Variants in CNTNAP2 observed in about 807,000 individuals in gnomAD.
The protein encoded by CNTNAP2 is contactin-associated protein-like 2.
In CNTNAP2, 98 loss-of-function variants were observed where a neutral mutation model predicts 155.2. The observed-to-expected ratio is 0.63, with a 90% CI of 0.54 to 0.75. CNTNAP2 has a LOEUF of 0.75. Ranked by LOEUF, CNTNAP2 falls within the 30% of genes least tolerant of loss-of-function variation. The pLI, the probability that CNTNAP2 is intolerant of heterozygous loss-of-function variation, is 0.00. For missense variants in CNTNAP2, 1,727 were observed against 1,688.1 expected (o/e 1.02, Z -0.40); for synonymous variants, 651 against 631.2 (o/e 1.03, Z -0.47).
At chr7:146,170,591 A>G (rs1798375849) in intron 1 of CNTNAP2, among the ~76,000 whole-genome samples, 1 of 152,208 alleles carries the variant, frequency 6.6e-6, no homozygotes, top group African/African-American at 2.4e-5. Context: ...ATGTTAACAT[A>G]GAAAATATGA....
intron 15 of CNTNAP2, among the ~76,000 whole-genome samples, chr7:148,026,080 A>T (rs1802369760): frequency 6.6e-6 from 1 of 152,162 alleles, no homozygotes; most frequent in Admixed American, 6.5e-5. Flanking sequence ...GTCCCTTAGG[A>T]CAAAGCAGGC....
chr7:148,392,998 G>A (rs80243371), intron 22 of CNTNAP2, among the ~76,000 whole-genome samples: 5,615 of 152,206 alleles, frequency 0.037, 344 homozygotes, highest in African/African-American at 0.12. Flanking sequence ...TACCTCCATC[G>A]TTATGACTTC....
In CNTNAP2 at chr7:147,505,754, T is replaced by C. The variant is rs1798895462; in HGVS notation, c.1777+19713T>C. 2.0e-5 allele frequency among the ~76,000 whole-genome samples: 3 copies of C among 152,238 alleles called. No individual in the cohort carries two copies. In the South Asian group the frequency reaches 6.2e-4, roughly 32 times the overall value. On this transcript the variant is annotated intron_variant, in intron 11 of 23. Coordinates refer to ENST00000361727, the MANE Select transcript of CNTNAP2 (RefSeq NM_014141.6). ...AAGTATTTCACAACCTGTAGAGCTGTAGGTTATAATACACATAAAACTGGC... is the reference window on the plus strand; with the variant it reads ...AAGTATTTCACAACCTGTAGAGCTGCAGGTTATAATACACATAAAACTGGC...
chr7:147,048,263 G>T (rs1799405927), intron 4 of CNTNAP2, among the ~76,000 whole-genome samples: 1 of 151,972 alleles, frequency 6.6e-6, no homozygotes, highest in African/African-American at 2.4e-5. Flanking sequence ...TAGACAGGGA[G>T]AGATTTCACA....
At chr7:146,977,238 T>C (rs1327171173) in intron 3 of CNTNAP2, among the ~76,000 whole-genome samples, 2 of 152,214 alleles carry the variant, frequency 1.3e-5, no homozygotes, top group East Asian at 3.9e-4. Flanking sequence ...ACTTCAATCA[T>C]TCTTCTGTCT....
chr7:147,289,899 T>C (rs1226256906), intron 8 of CNTNAP2, among the ~76,000 whole-genome samples: 1 of 152,194 alleles, frequency 6.6e-6, no homozygotes, highest in Non-Finnish European at 1.5e-5. Flanking sequence ...AAAGTAGACA[T>C]TGAATGAAAT....
At chr7:146,990,497 A>C (rs1026304835) in intron 3 of CNTNAP2, among the ~76,000 whole-genome samples, 19 of 152,128 alleles carry the variant, frequency 1.2e-4, no homozygotes, top group African/African-American at 4.3e-4. Flanking sequence ...ACCTAGCCTT[A>C]GTTGTTTTGG....
chr7:146,453,171 C>T (rs553338008), intron 1 of CNTNAP2, among the ~76,000 whole-genome samples: 2 of 152,264 alleles, frequency 1.3e-5, no homozygotes, highest in East Asian at 3.9e-4. Flanking sequence ...CCGGAATGTT[C>T]AGTGGAGAAC....
At chr7:146,626,431 C>A (rs1799420309) in intron 1 of CNTNAP2, among the ~76,000 whole-genome samples, 1 of 152,014 alleles carries the variant, frequency 6.6e-6, no homozygotes, top group South Asian at 2.1e-4. Context: ...GTGAGTGGAG[C>A]CCAGCATGCT....
chr7:148,406,096 T>A lies in CNTNAP2; in HGVS notation c.3716-3295T>A, dbSNP rs948753589. ...AAATACAAAAAATTAGCCGGGCATG[T>A]TGGCGGGCGCCTGTAGTCCCAGCTA... On this transcript the variant is annotated intron_variant, in intron 22 of 23. Transcript: ENST00000361727. 1.1e-4 allele frequency among the ~76,000 whole-genome samples: 16 copies of A among 151,666 alleles called. No homozygotes were observed. In the East Asian group the frequency reaches 2.2e-3, roughly 21 times the overall value.
intron 3 of CNTNAP2, among the ~76,000 whole-genome samples, chr7:146,874,503 C>T (rs1189287922): frequency 6.6e-6 from 1 of 151,994 alleles, no homozygotes; most frequent in Non-Finnish European, 1.5e-5. Context: ...TCATGCCTGG[C>T]TAATTTTTGC....
intron 1 of CNTNAP2, among the ~76,000 whole-genome samples, chr7:146,606,167 A>G (rs1245899229): frequency 6.6e-6 from 1 of 152,166 alleles, no homozygotes; most frequent in Non-Finnish European, 1.5e-5. Flanking sequence ...TATACTTACT[A>G]TTATTCTGCC....
chr7:146,250,885 A>G (rs1279811920), intron 1 of CNTNAP2, among the ~76,000 whole-genome samples: 1 of 152,192 alleles, frequency 6.6e-6, no homozygotes, highest in African/African-American at 2.4e-5. Context: ...AAAAAGATAT[A>G]AAATTACCAT....
At chr7:147,147,347 A>G (rs916482464) in intron 8 of CNTNAP2, among the ~76,000 whole-genome samples, 2 of 152,180 alleles carry the variant, frequency 1.3e-5, no homozygotes, top group East Asian at 1.9e-4. Context: ...CAACCAAACC[A>G]TATCAGTATA....
At chr7:147,828,739 C>T (rs552978445) in intron 13 of CNTNAP2, among the ~76,000 whole-genome samples, 55 of 152,002 alleles carry the variant, frequency 3.6e-4, no homozygotes, top group Non-Finnish European at 5.4e-4. Context: ...CAGTCTAGTG[C>T]GTATTTTGTG....
intron 12 of CNTNAP2, among the ~76,000 whole-genome samples, chr7:147,573,319 C>T (rs558187069): frequency 4.6e-5 from 7 of 152,254 alleles, no homozygotes; most frequent in South Asian, 2.1e-4. Context: ...ATCTCATGTT[C>T]GGTTTTTACT....
At chr7:147,871,773 A>G (rs1799331424) in intron 13 of CNTNAP2, among the ~76,000 whole-genome samples, 1 of 150,926 alleles carries the variant, frequency 6.6e-6, no homozygotes, top group Non-Finnish European at 1.5e-5. Flanking sequence ...CTTTGAGACT[A>G]TGTGAGTCGT....
rs184907648 is a variant in CNTNAP2, at chr7:147,928,813, G to A, written c.2255+25092G>A. On this transcript the variant is annotated intron_variant, in intron 14 of 23. Transcript: ENST00000361727. ...TTTTTATAAAACCTTTAAATCGGCC[G>A]GGTGCGGTGGCTCACGCCTGTAATC... 9.4e-3 allele frequency among the ~76,000 whole-genome samples: 1,426 copies of A among 151,994 alleles called. 16 individuals carry two copies. The highest frequency in any genetic ancestry group is 0.025 in the South Asian group (119 of 4,808).
intron 1 of CNTNAP2, among the ~76,000 whole-genome samples, chr7:146,718,655 A>G (rs994454193): frequency 2.6e-5 from 4 of 152,098 alleles, no homozygotes; most frequent in Non-Finnish European, 5.9e-5. Flanking sequence ...GCTCAACTTA[A>G]TATTGTTGAA....
Sources: gnomAD v4.1 joint callset for allele counts (sites outside exome capture counted in the v4.1 genomes callset) on GRCh38, gnomAD v4.1.1 for gene constraint, MANE v1.5 for transcripts, NCBI Gene and HGNC (gene_info 2026-07-23, HGNC 2026-07-21) for gene names.